The following SEC24C variants were observed in gnomAD, a reference collection of about 807,000 sequenced individuals.
SEC24C encodes the protein SEC24 homolog C, COPII component.
Under a neutral mutation model 117.0 loss-of-function variants are expected in SEC24C, and 22 were observed. That is an observed-to-expected ratio of 0.19 (90% CI 0.13 to 0.27). The LOEUF is 0.27. Among genes scored for constraint, SEC24C ranks in the 10% least tolerant of loss-of-function variants. The pLI is 1.00. For synonymous variants in SEC24C, 506 were observed against 529.4 expected, an observed-to-expected ratio of 0.96 and a Z score of 0.61; for missense variants, 1,155 against 1,375.1, an observed-to-expected ratio of 0.84 and a Z score of 2.53.
In SEC24C at chr10:73,770,681, A is replaced by C. The variant is rs117207638; in HGVS notation, c.3055-28A>C. 2,845 of 1,612,256 alleles carry C rather than the reference A, an allele frequency of 1.8e-3. 64 individuals carry two copies. The East Asian group carries it at 0.045, about 25-fold the overall frequency. ...TTGACTGAACTCAGAGTGCCTTACC[A>C]TAAGGATAAATGAATTTTGTGTTCT... On this transcript the variant is annotated intron_variant, in intron 21 of 22. Coordinates refer to ENST00000345254, the MANE Select transcript of SEC24C (RefSeq NM_198597.3).
At chr10:73,760,665 A>G in intron 5 of SEC24C, 48 bp from the exon 6 acceptor site, 2 of 1,526,680 alleles carry the variant, frequency 1.3e-6, no homozygotes. Flanking sequence ...CCTTAAGAAG[A>G]GATAGGGATG....
At chr10:73,763,706 T>TTTTTAAAAA in intron 7 of SEC24C, 105 bp downstream of exon 7, 1 of 681,258 alleles carries the variant, frequency 1.5e-6, no homozygotes, top group Non-Finnish European at 2.2e-6. Flanking sequence ...TTTTAGTTTT[T>TTTTTAAAAA]AACCAGAGAC....
chr10:73,762,186 G>A (rs1247735357), intron 6 of SEC24C: 1 of 1,287,132 alleles, frequency 7.8e-7, no homozygotes, highest in Non-Finnish European at 1.0e-6. Flanking sequence ...GGGGGTGGGT[G>A]TTTGTGCATG....
chr10:73,763,665 GGCTT>G, intron 7 of SEC24C, 64 bp downstream of exon 7: 1 of 290,212 alleles, frequency 3.4e-6, no homozygotes. Context: ...TTATGGTTGG[GGCTT>G]TTTTTTTTTT....
chr10:73,752,023 T>C (rs2082648523), intron 3 of SEC24C: 1 of 152,210 alleles, frequency 6.6e-6, no homozygotes, highest in Admixed American at 6.5e-5. Context: ...ACCACATAAA[T>C]GGTGAAAACT....
chr10:73,752,323 G>C (rs1329227161), intron 3 of SEC24C, among the ~76,000 whole-genome samples: 1 of 152,020 alleles, frequency 6.6e-6, no homozygotes, highest in Admixed American at 6.6e-5. Flanking sequence ...GGGTTTCGCT[G>C]TGTTGCCCAG....
At position 73,759,787 on chromosome 10, in the gene SEC24C, G is replaced by A. The variant is rs1376448374; in HGVS notation, c.474G>A (p.Leu158=). The part of the protein sequence containing the change: ...AVAPAPPSSG[L]GFGPPTSLAS... The stretch of plus-strand genomic sequence containing the variant: ...CCCCAGCCCCTCCTTCTTCAGGGCT[G>A]GGCTTTGGTGAGTGGCTGTGAACAC... The change falls in exon 4 of 23, where the codon CTG becomes CTA. Residue 158 remains leucine (L), a synonymous_variant. Transcript: ENST00000345254. 3.8e-6 allele frequency: 6 copies of A among 1,579,670 alleles called. No individual in the cohort carries two copies. The highest frequency in any genetic ancestry group is 5.1e-6 in the Non-Finnish European group (6 of 1,167,036).
rs1222388899 is a variant in SEC24C at position 73,770,444 on chromosome 10, C to T, written c.3027C>T (p.Ser1009=). Reference sequence around the variant, plus strand: ...TTGTCCAGAGCCTTTTCAGCGTCTCCTCCTTCAGTCAGATCACCAGTGGTT... The same window carrying T: ...TTGTCCAGAGCCTTTTCAGCGTCTCTTCCTTCAGTCAGATCACCAGTGGTT... The part of the protein sequence containing the change: ...QGVVQSLFSV[S]SFSQITSGLS... Residue 1009 remains serine, a synonymous_variant, in exon 21 of 23, where the codon TCC becomes TCT. Coordinates refer to ENST00000345254, the MANE Select transcript of SEC24C (RefSeq NM_198597.3). 11 of 1,614,096 alleles carry T rather than the reference C, an allele frequency of 6.8e-6. No homozygotes were observed. The highest frequency in any genetic ancestry group is 9.3e-6 in the Non-Finnish European group (11 of 1,180,014).
Position 73,760,758 on chromosome 10 carries a change from C to T in SEC24C, c.896C>T (p.Pro299Leu), listed in dbSNP as rs1461028990. The T allele has an allele frequency of 6.8e-6, 11 of 1,613,880 alleles. No individual in the cohort carries two copies. Among genetic ancestry groups the T allele is most frequent in the Non-Finnish European group, 8.5e-7 (1 of 1,179,970 alleles). ...GGCCCTCAGTCTAATTATGGAGGCC[C>T]CTACCCAGCAGCACCCACCTTTGGC... Reference protein sequence around the residue: ...ARGPQSNYGGPYPAAPTFGSQ... With the variant: ...ARGPQSNYGGLYPAAPTFGSQ... The change falls in exon 6 of 23, where the codon CCC becomes CTC. Residue 299 changes from proline to leucine, a missense_variant. Transcript: ENST00000345254.
chr10:73,767,918 C>T lies in SEC24C; in HGVS notation c.2092C>T (p.Leu698Phe), dbSNP rs765109425. 9.7e-6 allele frequency: 14 copies of T among 1,448,466 alleles called. No individual in the cohort carries two copies. The highest frequency in any genetic ancestry group is 1.8e-6 in the Non-Finnish European group (2 of 1,095,298). The allele number at this position is 1,448,466 out of a possible 1,614,324, so 89.7% of individuals were successfully genotyped here. A position where few individuals can be genotyped will look rare whatever the true frequency, so the allele number is the denominator to read the frequency against. ...CCAAGGCTGCTGTGTAGATCTCTTT[C>T]TCTTCCCTAACCAGTATGTGGATGT... Reference protein sequence around the residue: ...VAQGCCVDLFLFPNQYVDVAT... With the variant: ...VAQGCCVDLFFFPNQYVDVAT... The change falls in exon 15 of 23, where the codon CTC becomes TTC. Residue 698 changes from leucine to phenylalanine, a missense_variant. Physicochemically the swap from Leu to Phe is conservative, Grantham distance 22 (BLOSUM62 0). This residue lies in a region of SEC24C where 759 missense variants were observed against 992.3 expected (regional missense o/e 0.76). Transcript: ENST00000345254.
At chr10:73,756,602 A>AT (rs2132539471) in intron 3 of SEC24C, among the ~76,000 whole-genome samples, 1 of 151,854 alleles carries the variant, frequency 6.6e-6, no homozygotes, top group South Asian at 2.1e-4. Flanking sequence ...CATCTCAGTA[A>AT]TATTTTTTTT....
At position 73,763,620 on chromosome 10, in the gene SEC24C, C is replaced by CCTCCCACA. The variant is rs1565044257; in HGVS notation, c.1099+20_1099+27dup. On this transcript the variant is annotated intron_variant, in intron 7 of 22. Transcript: ENST00000345254. Reference sequence around the variant, plus strand: ...GACCAAGGTGAGAATGGAATTAGCTCCTCCCACAGGGGCTTTTTCTTCAAG... The same window carrying CCTCCCACA: ...GACCAAGGTGAGAATGGAATTAGCTCCTCCCACACTCCCACAGGGGCTTTTTCTTCAAG... 1 of 1,479,304 alleles carries CCTCCCACA rather than the reference C, an allele frequency of 6.8e-7. No individual in the cohort carries two copies. 91.6% of individuals were successfully genotyped at this position (1,479,304 alleles called of 1,614,324 possible).
At position 73,760,175 on chromosome 10, in the gene SEC24C, C is replaced by G. The variant is rs376867893; in HGVS notation, c.639C>G (p.Phe213Leu). The G allele has an allele frequency of 1.1e-5, 17 of 1,614,072 alleles. No individual in the cohort carries two copies. The highest frequency in any genetic ancestry group is 1.7e-5 in the Admixed American group (1 of 60,010). The change falls in exon 5 of 23, where the codon TTC becomes TTG. Residue 213 changes from phenylalanine to leucine, a missense_variant. Phe to Leu is a conservative substitution (Grantham distance 22, BLOSUM62 0). Around this residue, in one of 2 missense-constraint regions of SEC24C, gnomAD observed 396 missense variants for 382.8 expected, o/e 1.03. Coordinates refer to ENST00000345254, the MANE Select transcript of SEC24C (RefSeq NM_198597.3). ...CTGCCCCATCACAGGCCTCCAGCTT[C>G]ACACCCCCAGCTTCAGGGGGTCCTC... ...QRSAPSQASS[F>L]TPPASGGPRL...
Position 73,769,821 on chromosome 10 carries a change from T to C in SEC24C, c.2683-15T>C. On this transcript the variant is annotated splice_polypyrimidine_tract_variant and intron_variant, in intron 19 of 22. Transcript: ENST00000345254. The surrounding 1 kb of genome is among the most constrained non-coding windows in gnomAD (Gnocchi z 4.5). ...TTTCTCATGATCATTGACTTTATTT[T>C]GATAATCCCCTCAGTTGATCCTTCC... is the stretch of plus-strand genomic sequence containing the variant. The C allele has an allele frequency of 6.2e-7, 1 of 1,613,272 alleles. No homozygotes were observed. Among genetic ancestry groups the C allele is most frequent in the Non-Finnish European group, 8.5e-7 (1 of 1,179,258 alleles).
Position 73,759,683 on chromosome 10 carries a change from C to T in SEC24C, c.370C>T (p.Leu124Phe), listed in dbSNP as rs1296187938. 26 of 1,600,468 alleles carry T rather than the reference C, an allele frequency of 1.6e-5. No individual in the cohort carries two copies. The highest frequency in any genetic ancestry group is 2.7e-5 in the African/African-American group (2 of 74,420). Residue 124 changes from leucine to phenylalanine, a missense_variant, in exon 4 of 23, where the codon CTT (leucine) becomes TTT (phenylalanine). Transcript: ENST00000345254. ...LAPVGNQPPV[L>F]QPYGPPPTSA... ...CCCTGTGGGCAACCAGCCACCTGTG[C>T]TTCAGCCCTATGGCCCTCCCCCGAC...
At chr10:73,757,700 T>TGATTGAGCCC (rs67408115) in intron 3 of SEC24C, among the ~76,000 whole-genome samples, 4 of 150,252 alleles carry the variant, frequency 2.7e-5, no homozygotes, top group African/African-American at 7.4e-5. Flanking sequence ...GAAGCCGGGG[T>TGATTGAGCCC]AGGAGTTCAA....
chr10:73,749,637 G>A (rs976599210), intron 2 of SEC24C, among the ~76,000 whole-genome samples: 1 of 151,240 alleles, frequency 6.6e-6, no homozygotes, highest in Non-Finnish European at 1.5e-5. Context: ...TCTGTCTCCC[G>A]GGTTCAAGCA....
At chr10:73,753,497 C>G (rs1356430550) in intron 3 of SEC24C, among the ~76,000 whole-genome samples, 1 of 152,122 alleles carries the variant, frequency 6.6e-6, no homozygotes, top group East Asian at 1.9e-4. Context: ...TAGGGAGACC[C>G]CAATCTCTAC....
intron 3 of SEC24C, among the ~76,000 whole-genome samples, chr10:73,757,939 A>C (rs1162766802): frequency 1.4e-4 from 21 of 150,496 alleles, no homozygotes; most frequent in Admixed American, 6.0e-4. Context: ...AAAAAAAAAA[A>C]AAAAAAAAAC....
Sources: gnomAD v4.1 joint callset for allele counts (sites outside exome capture counted in the v4.1 genomes callset) on GRCh38, gnomAD v4.1.1 for gene constraint, gnomAD v4.1.1 regional missense constraint, Gnocchi (gnomAD v3.1) non-coding constraint, MANE v1.5 for transcripts, NCBI Gene and HGNC (gene_info 2026-07-23, HGNC 2026-07-21) for gene names.